TCF12: variants seen among roughly 807,000 people sequenced by gnomAD.
TCF12 encodes DNA-binding protein HTF4.
In TCF12, 45 loss-of-function variants were observed where a neutral mutation model predicts 86.0. That is an observed-to-expected ratio of 0.52 (90% confidence interval 0.41 to 0.67). TCF12 has a LOEUF of 0.67. Ranked by LOEUF, TCF12 falls within the 30% of genes least tolerant of loss-of-function variation. The probability of loss-of-function intolerance (pLI) is 0.00; values close to 1 mark genes in which losing one functional copy is unlikely to be tolerated. For synonymous variants in TCF12, 330 were observed against 299.6 expected (o/e 1.10, Z -1.05); for missense variants, 881 against 859.9 (o/e 1.02, Z -0.31).
At chr15:56,985,044 T>C (rs1320919597) in intron 3 of TCF12, among the ~76,000 whole-genome samples, 1 of 152,216 alleles carries the variant, frequency 6.6e-6, no homozygotes, top group African/African-American at 2.4e-5. Flanking sequence ...AAATGAACTC[T>C]TGGGTTGGAA....
intron 3 of TCF12, among the ~76,000 whole-genome samples, chr15:57,026,088 T>TA (rs749103328): frequency 1.6e-4 from 24 of 152,322 alleles, no homozygotes; most frequent in Non-Finnish European, 2.9e-4. Flanking sequence ...AGAACAGAGA[T>TA]AGGAAAATTC....
chr15:57,253,012 C>G (rs566133837), intron 15 of TCF12, among the ~76,000 whole-genome samples: 2 of 149,054 alleles, frequency 1.3e-5, no homozygotes, highest in South Asian at 4.2e-4. Context: ...AAGAAATAAC[C>G]TCATGGTAGT....
intron 6 of TCF12, among the ~76,000 whole-genome samples, chr15:57,190,550 A>AC (rs2056925333): frequency 1.3e-5 from 2 of 151,632 alleles, no homozygotes; most frequent in African/African-American, 2.4e-5. Context: ...AGTGTATTCA[A>AC]CCCCCCTTCC....
Position 57,077,381 on chromosome 15 carries a change from AT to A in TCF12, c.222+13571del, listed in dbSNP as rs11461802. 7.3e-3 allele frequency among the ~76,000 whole-genome samples: 793 copies of A among 108,406 alleles called. 21 individuals carry two copies. The highest frequency in any genetic ancestry group is 0.013 in the African/African-American group (321 of 24,404). 71.1% of individuals were successfully genotyped at this position (108,406 alleles called of 152,430 possible). ...TGTGTGTGTGTGTGTGTGTATATATATTTTTTTTTTTTTGGCAAGGCTTTGC... is the reference window on the plus strand; with the variant it reads ...TGTGTGTGTGTGTGTGTGTATATATATTTTTTTTTTTTGGCAAGGCTTTGC... On this transcript the variant is annotated intron_variant, in intron 4 of 20. Coordinates refer to ENST00000333725, the MANE Select transcript of TCF12 (RefSeq NM_207037.2).
rs2703606 is a variant in TCF12, at chr15:57,043,800, C to T, written c.149-19950C>T. Among the ~76,000 whole-genome samples the T allele has an allele frequency of 8.5e-3, 1,287 of 152,202 alleles. 27 individuals carry two copies. Among genetic ancestry groups the T allele is most frequent in the African/African-American group, 0.029 (1,219 of 41,540 alleles). ...TTTAAGTTATTTCTTCAAGAAAACT[C>T]ATTTTTAACTTATAAACTTCAGAAA... On this transcript the variant is annotated intron_variant, in intron 3 of 20. Coordinates refer to ENST00000333725, the MANE Select transcript of TCF12 (RefSeq NM_207037.2).
At chr15:57,213,863 C>T (rs1454429072) in intron 8 of TCF12, among the ~76,000 whole-genome samples, 4 of 152,090 alleles carry the variant, frequency 2.6e-5, no homozygotes, top group Non-Finnish European at 5.9e-5. Flanking sequence ...GAGTCAATAG[C>T]GCAAAGCCTT....
chr15:57,215,587 T>C lies in TCF12; in HGVS notation c.580-15565T>C, dbSNP rs555360755. On this transcript the variant is annotated intron_variant, in intron 8 of 20. Transcript: ENST00000333725. ...TATGAGTGGGTTTTAGGTTTACTTT[T>C]CCAGCCAGATCTTCTGGCTTTTGGG... Among the ~76,000 whole-genome samples, 8 of 152,298 alleles carry C rather than the reference T, an allele frequency of 5.3e-5. No homozygotes were observed. The East Asian group carries it at 1.3e-3, about 26-fold the overall frequency.
chr15:56,949,892 G>A (rs916981688), intron 3 of TCF12, among the ~76,000 whole-genome samples: 6 of 152,182 alleles, frequency 3.9e-5, no homozygotes, highest in Non-Finnish European at 7.3e-5. Flanking sequence ...CTAGACAAAG[G>A]CATGTTTAGT....
intron 4 of TCF12, among the ~76,000 whole-genome samples, chr15:57,079,248 T>C (rs2070409714): frequency 6.6e-6 from 1 of 152,228 alleles, no homozygotes; most frequent in Non-Finnish European, 1.5e-5. Flanking sequence ...AATAGAGTTT[T>C]TCTCTGGTAA....
chr15:57,024,827 C>T (rs1463431016), intron 3 of TCF12, among the ~76,000 whole-genome samples: 2 of 152,120 alleles, frequency 1.3e-5, no homozygotes, highest in African/African-American at 4.8e-5. Flanking sequence ...AAGCTCACTT[C>T]CCTTTGGGAT....
chr15:57,148,411 T>TAAA (rs71113069), intron 5 of TCF12, among the ~76,000 whole-genome samples: 50 of 144,812 alleles, frequency 3.5e-4, no homozygotes, highest in South Asian at 1.6e-3. Context: ...AGACTTTGTT[T>TAAA]AAAAAAAAAA....
At chr15:57,180,804 TA>T (rs1468163007) in intron 6 of TCF12, among the ~76,000 whole-genome samples, 1 of 132,316 alleles carries the variant, frequency 7.6e-6, no homozygotes, top group African/African-American at 3.0e-5. Context: ...ATGATGCTAA[TA>T]ATTTTTTTTT....
At chr15:57,027,423 T>C (rs2065888400) in intron 3 of TCF12, among the ~76,000 whole-genome samples, 1 of 152,230 alleles carries the variant, frequency 6.6e-6, no homozygotes, top group South Asian at 2.1e-4. Flanking sequence ...TAGTGAATAA[T>C]AGTTTTCCAC....
At chr15:57,238,166 T>G (rs527491659) in intron 12 of TCF12, among the ~76,000 whole-genome samples, 1 of 152,316 alleles carries the variant, frequency 6.6e-6, no homozygotes, top group African/African-American at 2.4e-5. Flanking sequence ...ATTTTTATAC[T>G]TGATATGTTT....
chr15:57,137,172 G>A (rs187849357), intron 5 of TCF12, among the ~76,000 whole-genome samples: 2 of 151,658 alleles, frequency 1.3e-5, no homozygotes, highest in Admixed American at 1.3e-4. Context: ...GTAGAGACGC[G>A]GTTTCACCGC....
At chr15:57,205,168 G>A (rs1292936971) in intron 8 of TCF12, among the ~76,000 whole-genome samples, 1 of 152,008 alleles carries the variant, frequency 6.6e-6, no homozygotes, top group African/African-American at 2.4e-5. Flanking sequence ...ACAAAAATTA[G>A]CTGGCATGGT....
At chr15:57,151,494 C>T (rs1302033917) in intron 5 of TCF12, among the ~76,000 whole-genome samples, 6 of 152,006 alleles carry the variant, frequency 3.9e-5, no homozygotes, top group Non-Finnish European at 5.9e-5. Flanking sequence ...TGGCCAGGCA[C>T]GGTGGCTCAC....
chr15:56,944,153 G>T (rs1317119091), intron 3 of TCF12, among the ~76,000 whole-genome samples: 1 of 152,118 alleles, frequency 6.6e-6, no homozygotes, highest in Non-Finnish European at 1.5e-5. Context: ...TTCATTTGTT[G>T]AGCTATGTAT....
chr15:57,097,181 G>T (rs2049382678), intron 5 of TCF12, among the ~76,000 whole-genome samples: 1 of 152,026 alleles, frequency 6.6e-6, no homozygotes, highest in Non-Finnish European at 1.5e-5. Context: ...ATCTCCTAGA[G>T]TTACAAAATA....
Sources: gnomAD v4.1 joint callset for allele counts (sites outside exome capture counted in the v4.1 genomes callset) on GRCh38, gnomAD v4.1.1 for gene constraint, MANE v1.5 for transcripts, NCBI Gene and HGNC (gene_info 2026-07-23, HGNC 2026-07-21) for gene names.